Variants in PDHX observed in about 807,000 individuals in gnomAD.
The protein encoded by PDHX is pyruvate dehydrogenase protein X component, mitochondrial.
A neutral mutation model predicts 55.3 loss-of-function variants in PDHX; 33 were observed. The observed-to-expected ratio is 0.60, with a 90% CI of 0.45 to 0.80. The LOEUF is 0.80. Ranked by LOEUF, PDHX falls within the 30% of genes least tolerant of loss-of-function variation. PDHX has a pLI of 0.00. For synonymous variants in PDHX, 226 were observed against 219.4 expected (o/e 1.03, Z -0.27); for missense variants, 622 against 619.9 (o/e 1.00, Z -0.04).
At chr11:34,962,217 A>AT (rs1183397321) in intron 5 of PDHX, among the ~76,000 whole-genome samples, 2 of 152,238 alleles carry the variant, frequency 1.3e-5, no homozygotes, top group African/African-American at 4.8e-5. Flanking sequence ...AAAAGATGAG[A>AT]TAAGGAGATA....
At chr11:34,981,723 G>C (rs1055305977) in intron 8 of PDHX, among the ~76,000 whole-genome samples, 3 of 152,000 alleles carry the variant, frequency 2.0e-5, no homozygotes, top group Non-Finnish European at 4.4e-5. Flanking sequence ...TCTCAGTGTG[G>C]TTTTGATTTG....
At chr11:34,964,706 C>T (rs1441620187) in intron 5 of PDHX, among the ~76,000 whole-genome samples, 1 of 146,468 alleles carries the variant, frequency 6.8e-6, no homozygotes, top group Non-Finnish European at 1.5e-5. Flanking sequence ...ACCTTAATTA[C>T]TACAGAGATA....
intron 6 of PDHX, among the ~76,000 whole-genome samples, chr11:34,967,292 G>C (rs558693080): frequency 1.4e-4 from 21 of 152,270 alleles, no homozygotes; most frequent in African/African-American, 5.1e-4. Flanking sequence ...CACTCCAAAT[G>C]CTTTGTTTTA....
intron 1 of PDHX, among the ~76,000 whole-genome samples, chr11:34,922,388 A>G (rs1004689556): frequency 2.0e-5 from 3 of 152,244 alleles, no homozygotes; most frequent in African/African-American, 7.2e-5. Flanking sequence ...AGCACTTTAC[A>G]TGAATCAGCT....
At chr11:34,984,122 G>A (rs983445107) in intron 8 of PDHX, among the ~76,000 whole-genome samples, 2 of 152,144 alleles carry the variant, frequency 1.3e-5, no homozygotes, top group African/African-American at 2.4e-5. Context: ...GGGATGTCAT[G>A]TATTGAGGGC....
intron 8 of PDHX, among the ~76,000 whole-genome samples, chr11:34,978,494 T>C (rs1412879289): frequency 1.3e-5 from 2 of 152,054 alleles, no homozygotes; most frequent in Non-Finnish European, 2.9e-5. Flanking sequence ...CACTATTATA[T>C]GTCAGATGGT....
At chr11:34,936,790 T>TCC (rs1854326026) in intron 2 of PDHX, among the ~76,000 whole-genome samples, 1 of 121,302 alleles carries the variant, frequency 8.2e-6, no homozygotes, top group African/African-American at 3.4e-5. Flanking sequence ...TTTCTTTTTT[T>TCC]TTTTTTTTTT....
At chr11:34,956,247 C>G (rs577490964) in intron 3 of PDHX, among the ~76,000 whole-genome samples, 2 of 151,958 alleles carry the variant, frequency 1.3e-5, no homozygotes, top group African/African-American at 4.8e-5. Flanking sequence ...AGCATTGCTG[C>G]TTTTCTTCTT....
intron 10 of PDHX, 36 bp from the exon 11 acceptor site, chr11:34,994,878 A>G (rs1226725529): frequency 1.2e-6 from 2 of 1,612,956 alleles, no homozygotes; most frequent in African/African-American, 1.3e-5. Context: ...TTGATTAAGG[A>G]CATGCCTCCT....
chr11:34,925,260 G>C (rs1046677970), intron 1 of PDHX, among the ~76,000 whole-genome samples: 2 of 152,166 alleles, frequency 1.3e-5, no homozygotes, highest in South Asian at 2.1e-4. Flanking sequence ...CCTCTGCAGA[G>C]AAAACAAGCT....
chr11:34,939,729 T>C (rs1854427664), intron 2 of PDHX, among the ~76,000 whole-genome samples: 1 of 152,242 alleles, frequency 6.6e-6, no homozygotes, highest in South Asian at 2.1e-4. Context: ...TGCAGTATTA[T>C]AGCATATAAA....
intron 7 of PDHX, among the ~76,000 whole-genome samples, chr11:34,977,231 C>A (rs576846058): frequency 1.3e-5 from 2 of 152,120 alleles, no homozygotes; most frequent in African/African-American, 4.8e-5. Flanking sequence ...GGTTTTTTGC[C>A]ACATACCACT....
At chr11:34,934,535 A>G (rs1055558740) in intron 2 of PDHX, among the ~76,000 whole-genome samples, 2 of 149,686 alleles carry the variant, frequency 1.3e-5, no homozygotes, top group Non-Finnish European at 3.0e-5. Context: ...ACATGCGGAC[A>G]TTTGAAAACT....
chr11:34,938,813 ATT>A (rs1854399403), intron 2 of PDHX, among the ~76,000 whole-genome samples: 2 of 152,138 alleles, frequency 1.3e-5, no homozygotes, highest in Admixed American at 1.3e-4. Flanking sequence ...TTTCCTTTTG[ATT>A]ACAATATGCT....
At chr11:34,992,948 AC>A (rs1306546902) in intron 10 of PDHX, among the ~76,000 whole-genome samples, 3 of 152,104 alleles carry the variant, frequency 2.0e-5, no homozygotes, top group Non-Finnish European at 4.4e-5. Flanking sequence ...ACAAATTTAC[AC>A]CTCCACCAAC....
chr11:34,943,869 G>T (rs1272883711), intron 2 of PDHX, among the ~76,000 whole-genome samples: 1 of 151,964 alleles, frequency 6.6e-6, no homozygotes, highest in South Asian at 2.1e-4. Context: ...TACAAAAACT[G>T]AATTAGATGC....
At chr11:34,972,211 T>G (rs1447451326) in intron 7 of PDHX, among the ~76,000 whole-genome samples, 1 of 152,062 alleles carries the variant, frequency 6.6e-6, no homozygotes, top group Non-Finnish European at 1.5e-5. Flanking sequence ...GTGATACTGA[T>G]CTCATTGATT....
In PDHX at chr11:34,916,909, A is replaced by G. The variant is rs3818397; in HGVS notation, c.160+94A>G. On this transcript the variant is annotated intron_variant, in intron 1 of 10. Coordinates refer to ENST00000227868, the MANE Select transcript of PDHX (RefSeq NM_003477.3). ...GATTGAGGGCCTGCTTTTGGGTGTG[A>G]AGGTGCGCGGGCTCCTTATTCCCTT... 0.13 allele frequency: 155,076 copies of G among 1,231,074 alleles called. 12,589 individuals are homozygous for G. The highest frequency in any genetic ancestry group is 0.39 in the African/African-American group (26,097 of 66,656). 76.3% of individuals were successfully genotyped at this position (1,231,074 alleles called of 1,614,324 possible).
At chr11:34,983,761 G>A (rs2732561) in intron 8 of PDHX, among the ~76,000 whole-genome samples, 100,875 of 151,934 alleles carry the variant, frequency 0.66, 33,687 homozygotes, top group East Asian at 0.75. Context: ...ACCACTGCTC[G>A]ATGAAATAAA....
Sources: gnomAD v4.1 joint callset for allele counts (sites outside exome capture counted in the v4.1 genomes callset) on GRCh38, gnomAD v4.1.1 for gene constraint, MANE v1.5 for transcripts, NCBI Gene and HGNC (gene_info 2026-07-23, HGNC 2026-07-21) for gene names.